Variants in SLC13A5 observed in about 807,000 individuals in gnomAD.
SLC13A5 encodes Na(+)/citrate cotransporter.
SLC13A5 carries 25 observed loss-of-function variants against 56.5 expected under a neutral mutation model. The observed-to-expected ratio is 0.44, with a 90% CI of 0.32 to 0.62. The LOEUF is 0.62. SLC13A5 is among the 20% of genes least tolerant of loss of function. The pLI, the probability that SLC13A5 is intolerant of heterozygous loss-of-function variation, is 0.04. For missense variants in SLC13A5, 649 were observed against 737.8 expected, an observed-to-expected ratio of 0.88 and a Z score of 1.39; for synonymous variants, 307 against 301.5, an observed-to-expected ratio of 1.02 and a Z score of -0.19.
chr17:6,697,457 G>T (rs900485428), intron 6 of SLC13A5, among the ~76,000 whole-genome samples: 1 of 152,196 alleles, frequency 6.6e-6, no homozygotes, highest in South Asian at 2.1e-4. Context: ...GAGCAGCTTT[G>T]CTCTCATCTC....
intron 6 of SLC13A5, among the ~76,000 whole-genome samples, chr17:6,696,597 G>A (rs1169503868): frequency 6.6e-6 from 1 of 152,074 alleles, no homozygotes; most frequent in Admixed American, 6.5e-5. Flanking sequence ...CCCTAAGGTG[G>A]CGTTGGCATG....
Position 6,703,885 on chromosome 17 carries a change from C to G in SLC13A5, c.540G>C (p.Glu180Asp). Reference sequence around the variant, plus strand: ...CCCTGGCCAGGGGCTCACCTGGCAGCTCCTTGGCCTTGCCCTTGTCCACCA... The same window carrying G: ...CCCTGGCCAGGGGCTCACCTGGCAGGTCCTTGGCCTTGCCCTTGTCCACCA... ...LELVDKGKAK[E>D]LPGSQVIFEG... is the part of the protein sequence containing the mutation. Residue 180 changes from glutamate to aspartate, a missense_variant, in exon 4 of 12, where the codon GAG (glutamate) becomes GAC (aspartate). Physicochemically the swap from Glu to Asp is conservative, Grantham distance 45. Coordinates refer to ENST00000433363, the MANE Select transcript of SLC13A5 (RefSeq NM_177550.5). 6.5e-7 allele frequency: 1 copy of G among 1,547,514 alleles called. No individual in the cohort carries two copies. Among genetic ancestry groups the G allele is most frequent in the South Asian group, 1.2e-5 (1 of 82,274 alleles).
chr17:6,702,876 C>T (rs1049355720), intron 5 of SLC13A5, 94 bp downstream of exon 5: 21 of 1,512,064 alleles, frequency 1.4e-5, no homozygotes, highest in Admixed American at 1.8e-5. Flanking sequence ...CCGAGGCTTT[C>T]CAGGACTCTG....
At chr17:6,698,821 G>T (rs186247759) in intron 6 of SLC13A5, among the ~76,000 whole-genome samples, 26 of 152,104 alleles carry the variant, frequency 1.7e-4, no homozygotes, top group Admixed American at 7.2e-4. Flanking sequence ...GCGGATCACC[G>T]GAGGTTAGGA....
chr17:6,698,172 C>A (rs1176578119), intron 6 of SLC13A5, among the ~76,000 whole-genome samples: 1 of 152,262 alleles, frequency 6.6e-6, no homozygotes, highest in Non-Finnish European at 1.5e-5. Context: ...GCCAGCCACA[C>A]TGCATGCGTC....
At position 6,711,563 on chromosome 17, in the gene SLC13A5, T is replaced by C. The variant is rs1366839495; in HGVS notation, c.102+1669A>G. 6.6e-6 allele frequency among the ~76,000 whole-genome samples: 1 copy of C among 150,580 alleles called. No homozygotes were observed. Among genetic ancestry groups the C allele is most frequent in the East Asian group, 2.0e-4 (1 of 5,046 alleles). On this transcript the variant is annotated intron_variant, in intron 1 of 11. Transcript: ENST00000433363. The surrounding 1 kb of genome is among the most constrained non-coding windows in gnomAD (Gnocchi z 4.0). The stretch of plus-strand genomic sequence containing the variant: ...TGTTTTGTGTGTGTGTTTGTGTGTG[T>C]GTTTGTGTGTCTGTGTTTGTGTGTT...
In SLC13A5 at chr17:6,686,349, G is replaced by C; in HGVS notation, c.1576-11C>G. 6.2e-7 allele frequency: 1 copy of C among 1,613,994 alleles called. No homozygotes were observed. The highest frequency in any genetic ancestry group is 8.5e-7 in the Non-Finnish European group (1 of 1,179,940). ...GACTCCTGTTTTCACCTGGAAAAGA[G>C]ACAGAGTCAGCACCCTGAGGCCTGC... On this transcript the variant is annotated splice_polypyrimidine_tract_variant and intron_variant, in intron 11 of 11. Coordinates refer to ENST00000433363, the MANE Select transcript of SLC13A5 (RefSeq NM_177550.5).
chr17:6,690,900 G>T lies in SLC13A5; in HGVS notation c.1316C>A (p.Pro439His). Residue 439 changes from proline to histidine, a missense_variant, in exon 10 of 12, where the codon CCC becomes CAC. Pro to His is a moderately conservative substitution (Grantham distance 77). Transcript: ENST00000433363. The part of the protein sequence containing the change: ...LSVWMGKQME[P>H]LHAVPPAAIT... ...GGCTGCCGGGGGCACTGCGTGCAAG[G>T]GCTCCATCTGCTTCCCCATCCACAC... 6.2e-7 allele frequency: 1 copy of T among 1,613,636 alleles called. No individual in the cohort carries two copies. Among genetic ancestry groups the T allele is most frequent in the Non-Finnish European group, 8.5e-7 (1 of 1,179,606 alleles).
intron 1 of SLC13A5, among the ~76,000 whole-genome samples, chr17:6,708,775 C>G (rs1973938093): frequency 1.3e-5 from 2 of 152,206 alleles, no homozygotes; most frequent in Admixed American, 6.5e-5. Flanking sequence ...GATGCCATCC[C>G]ATTGCAGAAT....
intron 5 of SLC13A5, 24 bp downstream of exon 5, chr17:6,702,946 C>T (rs767575115): frequency 1.2e-6 from 2 of 1,611,142 alleles, no homozygotes; most frequent in Admixed American, 3.3e-5. Context: ...TCGTTGTCCC[C>T]AGAAGGTGCG....
rs761273591 is a variant in SLC13A5 at position 6,703,155 on chromosome 17, G to T, written c.548-17C>A. ...CTTGACTCCCTGTGGTGGGCACAGC[G>T]CTGTTAGCTGAGCCAGTCATGGGGG... On this transcript the variant is annotated splice_polypyrimidine_tract_variant and intron_variant, in intron 4 of 11. Transcript: ENST00000433363. The T allele has an allele frequency of 8.7e-6, 14 of 1,613,394 alleles. No individual in the cohort carries two copies. Among genetic ancestry groups the T allele is most frequent in the Non-Finnish European group, 1.2e-5 (14 of 1,179,826 alleles).
At chr17:6,699,868 A>T (rs1312084932) in intron 6 of SLC13A5, among the ~76,000 whole-genome samples, 1 of 152,218 alleles carries the variant, frequency 6.6e-6, no homozygotes, top group Non-Finnish European at 1.5e-5. Flanking sequence ...GGCCTCCAAA[A>T]ATGTTGGGAT....
intron 3 of SLC13A5, 49 bp downstream of exon 3, chr17:6,706,593 C>T (rs1329085519): frequency 6.3e-7 from 1 of 1,599,032 alleles, no homozygotes; most frequent in South Asian, 1.1e-5. Flanking sequence ...CCCTTCCAGC[C>T]CTGGGGCTCA....
In SLC13A5 at chr17:6,695,848, G is replaced by T. The variant is rs1973545724; in HGVS notation, c.933C>A (p.Pro311=). 1 of 1,614,030 alleles carries T rather than the reference G, an allele frequency of 6.2e-7. No homozygotes were observed. The highest frequency in any genetic ancestry group is 1.1e-5 in the South Asian group (1 of 91,082). Residue 311 remains proline (P), a synonymous_variant, in exon 7 of 12, where the codon CCC becomes CCA. Transcript: ENST00000433363. The part of the protein sequence containing the change: ...VLQEEYRKLG[P]LSFAEINVLI... ...GCACGTTGATCTCCGCGAAGGACAA[G>T]GGCCCCAGCTTCCGGTACTCCTCCT...
At chr17:6,691,494 G>A (rs1485560673) in intron 9 of SLC13A5, among the ~76,000 whole-genome samples, 1 of 152,240 alleles carries the variant, frequency 6.6e-6, no homozygotes, top group African/African-American at 2.4e-5. Flanking sequence ...GGGCTGAGAA[G>A]AGATTGTCCA....
intron 8 of SLC13A5, 58 bp from the exon 9 acceptor site, chr17:6,693,220 CACACACACA>C: frequency 1.1e-6 from 1 of 950,234 alleles, no homozygotes; most frequent in African/African-American, 1.7e-5. Context: ...CACACACACA[CACACACACA>C]CCAGAGCAGC....
At position 6,701,343 on chromosome 17, in the gene SLC13A5, T is replaced by C. The variant is rs1973707731; in HGVS notation, c.717-217A>G. Among the ~76,000 whole-genome samples the C allele has an allele frequency of 6.6e-6, 1 of 152,206 alleles. No homozygotes were observed. On this transcript the variant is annotated intron_variant, in intron 5 of 11. Coordinates refer to ENST00000433363, the MANE Select transcript of SLC13A5 (RefSeq NM_177550.5). This position sits in a 1 kb window ranked among gnomAD's most constrained non-coding sequence, Gnocchi z 4.1. Reference sequence around the variant, plus strand: ...CACAGCACAAGACAAGGCCGAGAAATGACCCACTGACTCTTCTGTGTGTCC... The same window carrying C: ...CACAGCACAAGACAAGGCCGAGAAACGACCCACTGACTCTTCTGTGTGTCC...
chr17:6,696,286 C>T (rs924451139), intron 6 of SLC13A5, among the ~76,000 whole-genome samples: 6 of 152,322 alleles, frequency 3.9e-5, no homozygotes, highest in South Asian at 4.1e-4. Context: ...CCCAAGTCTT[C>T]CTCCTTCCAC....
intron 6 of SLC13A5, among the ~76,000 whole-genome samples, chr17:6,698,525 T>G (rs189470704): frequency 1.8e-4 from 28 of 152,328 alleles, no homozygotes; most frequent in African/African-American, 6.5e-4. Context: ...TGCTTAGGTC[T>G]GGAGGCAACT....
Sources: gnomAD v4.1 joint callset for allele counts (sites outside exome capture counted in the v4.1 genomes callset) on GRCh38, gnomAD v4.1.1 for gene constraint, Gnocchi (gnomAD v3.1) non-coding constraint, MANE v1.5 for transcripts, NCBI Gene and HGNC (gene_info 2026-07-23, HGNC 2026-07-21) for gene names.